Variants in UBP1 observed in about 807,000 individuals in gnomAD.
UBP1 encodes upstream-binding protein 1.
A neutral mutation model predicts 76.1 loss-of-function variants in UBP1; 22 were observed. That is an observed-to-expected ratio of 0.29 (90% CI 0.21 to 0.41). UBP1 has a LOEUF of 0.41. UBP1 is among the 10% of genes least tolerant of loss of function. The pLI, the probability that UBP1 is intolerant of heterozygous loss-of-function variation, is 1.00. For synonymous variants in UBP1, 224 were observed against 237.1 expected (o/e 0.94, Z 0.51); for missense variants, 436 against 668.1 (o/e 0.65, Z 3.83).
intron 8 of UBP1, among the ~76,000 whole-genome samples, chr3:33,408,419 G>A (rs1158883550): frequency 6.6e-6 from 1 of 152,094 alleles, no homozygotes; most frequent in African/African-American, 2.4e-5. Context: ...AAGGAGTCAG[G>A]GAGGGAATAC....
intron 15 of UBP1, chr3:33,392,252 G>C (rs1292399826): frequency 1.2e-5 from 3 of 246,660 alleles, no homozygotes; most frequent in Admixed American, 5.6e-5. Flanking sequence ...TCCCCAATAG[G>C]AGTTTCATGG....
chr3:33,408,665 GAA>G (rs747661732), intron 8 of UBP1, 23 bp downstream of exon 8: 96 of 1,593,330 alleles, frequency 6.0e-5, no homozygotes, highest in Non-Finnish European at 7.9e-5. Flanking sequence ...CTTGCACAAT[GAA>G]AAGAGAAGCA....
chr3:33,440,441 T>G (rs1473101748), upstream of UBP1: 1 of 100,160 alleles, frequency 1.0e-5, no homozygotes, highest in African/African-American at 3.9e-5. Context: ...CGCCCCGGCG[T>G]TCGCCCCACG....
chr3:33,403,157 G>A (rs900799466), intron 8 of UBP1: 4 of 393,522 alleles, frequency 1.0e-5, no homozygotes, highest in African/African-American at 8.6e-5. Flanking sequence ...ATTTATAAAG[G>A]CATTTAAAAT....
At position 33,388,406 on chromosome 3, in the gene UBP1, C is replaced by T. The variant is rs1264619222; in HGVS notation, c.*1925G>A. ...TCCTACTATTAAAAAAACAAAGTAACAAATTTGCTGGTGCCAAAATTTATT... is the reference window on the plus strand; with the variant it reads ...TCCTACTATTAAAAAAACAAAGTAATAAATTTGCTGGTGCCAAAATTTATT... On this transcript the variant is annotated 3_prime_UTR_variant, in exon 16 of 16. Coordinates refer to ENST00000283629, the MANE Select transcript of UBP1 (RefSeq NM_014517.5). The T allele has an allele frequency of 1.3e-5, 2 of 152,430 alleles. No individual in the cohort carries two copies. Among genetic ancestry groups the T allele is most frequent in the Non-Finnish European group, 2.9e-5 (2 of 67,986 alleles). 9.4% of individuals were successfully genotyped at this position (152,430 alleles called of 1,614,324 possible).
At position 33,390,268 on chromosome 3, in the gene UBP1, A is replaced by T; in HGVS notation, c.*63T>A. On this transcript the variant is annotated 3_prime_UTR_variant, in exon 16 of 16. Transcript: ENST00000283629. ...TCCAATCCCAAGACTTCTTGGATTC[A>T]GTCTTCACACACTTTTAAGCGTGAC... is the stretch of plus-strand genomic sequence containing the variant. 5 of 1,499,652 alleles carry T rather than the reference A, an allele frequency of 3.3e-6. No individual in the cohort carries two copies. The highest frequency in any genetic ancestry group is 3.7e-6 in the Non-Finnish European group (4 of 1,087,486). 92.9% of individuals were successfully genotyped at this position (1,499,652 alleles called of 1,614,324 possible).
At position 33,403,100 on chromosome 3, in the gene UBP1, A is replaced by G. The variant is rs1217894921; in HGVS notation, c.928-196T>C. On this transcript the variant is annotated intron_variant, in intron 8 of 15. Coordinates refer to ENST00000283629, the MANE Select transcript of UBP1 (RefSeq NM_014517.5). The stretch of plus-strand genomic sequence containing the variant: ...AGTTTTACCTGCTGTGTGCGTCTAG[A>G]CACTGATTAATCTTAGAGAAGACCT... The G allele has an allele frequency of 5.6e-6, 3 of 533,614 alleles. No individual in the cohort carries two copies. The African/African-American group carries it at 5.8e-5, about 10-fold the overall frequency. The allele number at this position is 533,614 out of a possible 1,614,324, so 33.1% of individuals were successfully genotyped here.
chr3:33,395,768 A>AAAAAG (rs2043961951), intron 13 of UBP1, among the ~76,000 whole-genome samples: 1 of 150,100 alleles, frequency 6.7e-6, no homozygotes. Flanking sequence ...AAAAAAAAAA[A>AAAAAG]AAAAAGAAAA....
chr3:33,424,683 A>G (rs1022104957), intron 2 of UBP1, among the ~76,000 whole-genome samples: 1 of 152,234 alleles, frequency 6.6e-6, no homozygotes, highest in Non-Finnish European at 1.5e-5. Context: ...CATTCAAAAT[A>G]CTTTTGTTTA....
At chr3:33,420,767 G>GT (rs1166577796) in intron 2 of UBP1, among the ~76,000 whole-genome samples, 2 of 152,048 alleles carry the variant, frequency 1.3e-5, no homozygotes, top group South Asian at 4.1e-4. Context: ...GTTTACAGGC[G>GT]TGAGCCACCA....
chr3:33,402,890 G>A lies in UBP1; in HGVS notation c.942C>T (p.Pro314=), dbSNP rs147917769. The A allele has an allele frequency of 3.0e-5, 49 of 1,608,792 alleles. No individual in the cohort carries two copies. The highest frequency in any genetic ancestry group is 5.3e-5 in the African/African-American group (4 of 74,866). ...LAKRGSCSPW[P]DAPTAYVNNS... The stretch of plus-strand genomic sequence containing the variant: ...TATTCACATAGGCTGTGGGGGCATC[G>A]GGCCACGGAGAACACTAAGGACAGA... The change falls in exon 9 of 16, where the codon CCC becomes CCT. Residue 314 remains proline (P), a synonymous_variant. Transcript: ENST00000283629.
intron 8 of UBP1, among the ~76,000 whole-genome samples, chr3:33,408,162 T>G (rs1365662363): frequency 1.3e-5 from 2 of 151,982 alleles, no homozygotes; most frequent in Non-Finnish European, 2.9e-5. Context: ...CTTAGAAGCA[T>G]AGACAGACAC....
chr3:33,419,405 G>A (rs772566775), intron 2 of UBP1, among the ~76,000 whole-genome samples: 20 of 151,910 alleles, frequency 1.3e-4, no homozygotes, highest in Non-Finnish European at 2.6e-4. Flanking sequence ...TGAGGTGGGC[G>A]GATCACGAGG....
At chr3:33,426,014 T>TATATATATATAG (rs2045008715) in intron 1 of UBP1, among the ~76,000 whole-genome samples, 1 of 94,198 alleles carries the variant, frequency 1.1e-5, no homozygotes, top group African/African-American at 3.7e-5. Context: ...TATATATATA[T>TATATATATATAG]ATATATATAT....
intron 2 of UBP1, among the ~76,000 whole-genome samples, chr3:33,424,454 T>G (rs940864705): frequency 6.6e-6 from 1 of 152,216 alleles, no homozygotes; most frequent in Admixed American, 6.5e-5. Context: ...ATAAACACTA[T>G]ATACTCAAGT....
intron 1 of UBP1, among the ~76,000 whole-genome samples, chr3:33,434,682 CTTT>C (rs10709462): frequency 1.4e-4 from 12 of 87,694 alleles, no homozygotes; most frequent in Admixed American, 5.8e-4. Flanking sequence ...AATGGTTTTA[CTTT>C]TTTTTTTTTT....
At chr3:33,397,407 C>A in intron 11 of UBP1, 1 of 255,086 alleles carries the variant, frequency 3.9e-6, no homozygotes. Flanking sequence ...AGAACTCTTC[C>A]CGATATAGGA....
At chr3:33,409,784 A>C (rs1006217400) in intron 5 of UBP1, among the ~76,000 whole-genome samples, 183 bp from the exon 6 acceptor site, 1 of 152,218 alleles carries the variant, frequency 6.6e-6, no homozygotes, top group Non-Finnish European at 1.5e-5. Flanking sequence ...TCCCTCTCAC[A>C]AATCCAACTG....
intron 5 of UBP1, among the ~76,000 whole-genome samples, chr3:33,410,614 A>G (rs1404712102): frequency 1.3e-5 from 2 of 152,196 alleles, no homozygotes; most frequent in Non-Finnish European, 2.9e-5. Context: ...TATATTACCT[A>G]CCTGGTAGTT....
Sources: gnomAD v4.1 joint callset for allele counts (sites outside exome capture counted in the v4.1 genomes callset) on GRCh38, gnomAD v4.1.1 for gene constraint, MANE v1.5 for transcripts, NCBI Gene and HGNC (gene_info 2026-07-23, HGNC 2026-07-21) for gene names.